Variants in FYN observed in about 807,000 individuals in gnomAD.
The protein encoded by FYN is tyrosine-protein kinase Fyn.
In FYN, 10 loss-of-function variants were observed where a neutral mutation model predicts 70.2. The ratio of observed to expected loss-of-function variants is 0.14; its 90% CI spans 0.09 to 0.24. FYN has a LOEUF of 0.24. FYN is among the 10% of genes least tolerant of loss of function. The pLI is 1.00. For missense variants in FYN, 319 were observed against 673.1 expected, an observed-to-expected ratio of 0.47 and a Z score of 5.82; for synonymous variants, 236 against 248.6, an observed-to-expected ratio of 0.95 and a Z score of 0.48.
chr6:111,701,871 T>C (rs1562479932), intron 8 of FYN, among the ~76,000 whole-genome samples: 1 of 152,248 alleles, frequency 6.6e-6, no homozygotes, highest in Non-Finnish European at 1.5e-5. Flanking sequence ...GTGCTGTTAA[T>C]ATTTTCTATT....
chr6:111,852,341 G>A (rs972937560), intron 1 of FYN, among the ~76,000 whole-genome samples: 1 of 152,178 alleles, frequency 6.6e-6, no homozygotes, highest in South Asian at 2.1e-4. Flanking sequence ...CTTAGAGGAT[G>A]AGGGTGTGAC....
chr6:111,753,344 G>C (rs1488625176), intron 3 of FYN, among the ~76,000 whole-genome samples: 7 of 152,182 alleles, frequency 4.6e-5, no homozygotes, highest in Non-Finnish European at 7.3e-5. Context: ...ATGTGGGCTA[G>C]ATACTAGAAC....
chr6:111,713,570 A>AT (rs1213584887), intron 5 of FYN, among the ~76,000 whole-genome samples: 1 of 151,610 alleles, frequency 6.6e-6, no homozygotes, highest in East Asian at 1.9e-4. Context: ...CAGAACCTAG[A>AT]TTTTTTTCTG....
chr6:111,675,663 C>T (rs1020775282), intron 12 of FYN, among the ~76,000 whole-genome samples: 18 of 151,794 alleles, frequency 1.2e-4, no homozygotes, highest in Admixed American at 7.2e-4. Context: ...CATGGTGGCA[C>T]GAGCCTGTAG....
At chr6:111,772,087 T>C (rs1583428509) in intron 3 of FYN, among the ~76,000 whole-genome samples, 2 of 152,180 alleles carry the variant, frequency 1.3e-5, no homozygotes, top group African/African-American at 4.8e-5. Context: ...TAAGCTGTAA[T>C]GTGGGAAGAA....
chr6:111,758,612 G>A (rs767486733), intron 3 of FYN, among the ~76,000 whole-genome samples: 6 of 152,204 alleles, frequency 3.9e-5, no homozygotes, highest in Non-Finnish European at 7.3e-5. Flanking sequence ...ACTGGAGGAC[G>A]ACCTTTTCTC....
At chr6:111,697,381 C>A (rs906168437) in intron 9 of FYN, among the ~76,000 whole-genome samples, 1 of 152,188 alleles carries the variant, frequency 6.6e-6, no homozygotes, top group South Asian at 2.1e-4. Context: ...GGGAAGAAAT[C>A]TGCTAATTTA....
chr6:111,873,233 G>T lies in FYN; in HGVS notation c.-388C>A, dbSNP rs1774341304. On this transcript the variant is annotated 5_prime_UTR_variant, in exon 1 of 14. Transcript: ENST00000354650. ...CGGTGCGCTGGGAGAAGCGCGGCGC[G>T]CCCGGGCGGGAGAGGACGCGCCGCT... 1 of 149,016 alleles carries T rather than the reference G, an allele frequency of 6.7e-6. No individual in the cohort carries two copies. Among genetic ancestry groups the T allele is most frequent in the Non-Finnish European group, 1.5e-5 (1 of 66,880 alleles). 9.2% of individuals were successfully genotyped at this position (149,016 alleles called of 1,614,324 possible). A position where few individuals can be genotyped will look rare whatever the true frequency, so the allele number is the denominator to read the frequency against.
intron 3 of FYN, among the ~76,000 whole-genome samples, chr6:111,730,007 A>G (rs1801374722): frequency 6.6e-6 from 1 of 152,234 alleles, no homozygotes; most frequent in Admixed American, 6.5e-5. Flanking sequence ...ACAACTACAC[A>G]TTGATGAAGT....
Position 111,702,930 on chromosome 6 carries a change from G to C in FYN, c.652C>G (p.Arg218Gly), listed in dbSNP as rs1298055854. ...LDNGGYYITT[R>G]AQFETLQQLV... is the part of the protein sequence containing the mutation. ...TGCTGAAGTGTTTCAAACTGGGCCC[G>C]GGTGGTAATGTAGTATCCACCATTG... The change falls in exon 8 of 14, where the codon CGG becomes GGG. Residue 218 changes from arginine (R) to glycine (G), a missense_variant. Arg to Gly is a moderately radical substitution (Grantham distance 125). This residue lies in a region of FYN where 112 missense variants were observed against 250.2 expected (regional missense o/e 0.45). Coordinates refer to ENST00000354650, the MANE Select transcript of FYN (RefSeq NM_002037.5). 6.2e-7 allele frequency: 1 copy of C among 1,614,050 alleles called. No homozygotes were observed. Among genetic ancestry groups the C allele is most frequent in the Non-Finnish European group, 8.5e-7 (1 of 1,179,970 alleles).
At chr6:111,864,561 G>A (rs1455389980) in intron 1 of FYN, among the ~76,000 whole-genome samples, 2 of 151,548 alleles carry the variant, frequency 1.3e-5, no homozygotes, top group Admixed American at 6.6e-5. Context: ...GCTATGATGA[G>A]GATGATGATG....
chr6:111,695,759 G>C (rs1374139160), intron 10 of FYN, among the ~76,000 whole-genome samples: 1 of 152,178 alleles, frequency 6.6e-6, no homozygotes, highest in African/African-American at 2.4e-5. Context: ...GAAGACAGAG[G>C]GGTTGTAGGG....
chr6:111,684,781 C>A (rs937307003), intron 12 of FYN, among the ~76,000 whole-genome samples: 1 of 152,184 alleles, frequency 6.6e-6, no homozygotes, highest in Middle Eastern at 3.4e-3. Context: ...GGTATTTAGT[C>A]CTTTTAAGAA....
intron 13 of FYN, among the ~76,000 whole-genome samples, chr6:111,672,059 T>G (rs558052005): frequency 4.8e-4 from 73 of 152,322 alleles, no homozygotes; most frequent in African/African-American, 1.7e-3. Context: ...GGTTCCCTGG[T>G]TGCCACTGCC....
intron 12 of FYN, among the ~76,000 whole-genome samples, chr6:111,678,576 G>T (rs910075356): frequency 6.6e-6 from 1 of 152,088 alleles, no homozygotes; most frequent in African/African-American, 2.4e-5. Context: ...TATATCACCA[G>T]ATGGGACCTC....
intron 3 of FYN, among the ~76,000 whole-genome samples, chr6:111,723,392 T>C: frequency 6.6e-6 from 1 of 152,114 alleles, no homozygotes; most frequent in East Asian, 1.9e-4. Flanking sequence ...ATAATCAAAA[T>C]CATTTTGGAG....
intron 1 of FYN, among the ~76,000 whole-genome samples, chr6:111,847,208 T>C (rs1773557366): frequency 1.3e-5 from 2 of 152,186 alleles, no homozygotes; most frequent in African/African-American, 4.8e-5. Context: ...ATCTTGTCCA[T>C]GGAACTCCAG....
rs1771890508 is a variant in FYN, at chr6:111,798,552, TGAC to T, written c.-81-17920_-81-17918del. On this transcript the variant is annotated intron_variant, in intron 2 of 13. Coordinates refer to ENST00000354650, the MANE Select transcript of FYN (RefSeq NM_002037.5). Reference sequence around the variant, plus strand: ...CCCGGGAACAAATGACCCATTGGGCTGACATTTGTCCTACATACCCTGATCCTT... The same window carrying T: ...CCCGGGAACAAATGACCCATTGGGCTATTTGTCCTACATACCCTGATCCTT... 5 of 152,348 alleles carry T rather than the reference TGAC, an allele frequency of 3.3e-5. No homozygotes were observed. The South Asian group carries it at 8.3e-4, about 25-fold the overall frequency. The allele number at this position is 152,348 out of a possible 1,614,324, so 9.4% of individuals were successfully genotyped here.
intron 3 of FYN, among the ~76,000 whole-genome samples, chr6:111,774,760 C>T (rs1021763568): frequency 9.9e-5 from 15 of 152,024 alleles, no homozygotes; most frequent in Admixed American, 1.3e-4. Context: ...ACTCTGTCAC[C>T]CAGGCTGGAG....
Sources: gnomAD v4.1 joint callset for allele counts (sites outside exome capture counted in the v4.1 genomes callset) on GRCh38, gnomAD v4.1.1 for gene constraint, gnomAD v4.1.1 regional missense constraint, MANE v1.5 for transcripts, NCBI Gene and HGNC (gene_info 2026-07-23, HGNC 2026-07-21) for gene names.